CD160: variants seen among roughly 807,000 people sequenced by gnomAD.
CD160 encodes CD160 molecule.
CD160 carries 11 observed loss-of-function variants against 19.2 expected under a neutral mutation model. That is an observed-to-expected ratio of 0.57 (90% CI 0.36 to 0.95). The LOEUF is 0.95. Ranked by LOEUF, CD160 falls within the 40% of genes least tolerant of loss-of-function variation. The pLI, the probability that CD160 is intolerant of heterozygous loss-of-function variation, is 0.01. For missense variants in CD160, 182 were observed against 213.2 expected (o/e 0.85, Z 0.91); for synonymous variants, 75 against 81.1 (o/e 0.93, Z 0.40).
intron 3 of CD160, among the ~76,000 whole-genome samples, chr1:145,730,185 T>C (rs1657229461): frequency 6.6e-6 from 1 of 152,120 alleles, no homozygotes; most frequent in Admixed American, 6.5e-5. Context: ...CCAGGCATAG[T>C]GGTGCATACC....
chr1:145,730,866 G>A lies in CD160; in HGVS notation c.196G>A (p.Gly66Arg), dbSNP rs782507943. ...AGTGTTTTTGTGCAAGGACAGGTCT[G>A]GAGACTGTTCTCCTGAGACCAGTTT... ...FVVFLCKDRS[G>R]DCSPETSLKQ... Residue 66 changes from glycine to arginine, a missense_variant, in exon 4 of 6, where the codon GGA (glycine) becomes AGA (arginine). Coordinates refer to ENST00000369288, the MANE Select transcript of CD160 (RefSeq NM_007053.4). The A allele has an allele frequency of 6.2e-7, 1 of 1,613,992 alleles. No individual in the cohort carries two copies. The highest frequency in any genetic ancestry group is 1.1e-5 in the South Asian group (1 of 91,076).
chr1:145,725,446 A>G (rs946550623), intron 2 of CD160, among the ~76,000 whole-genome samples: 6 of 152,190 alleles, frequency 3.9e-5, no homozygotes, highest in African/African-American at 1.2e-4. Flanking sequence ...CTCTGTCTCA[A>G]AAGAAAATAA....
intron 2 of CD160, 59 bp downstream of exon 2, chr1:145,724,965 T>G (rs1192604550): frequency 6.6e-6 from 1 of 152,018 alleles, no homozygotes; most frequent in Non-Finnish European, 1.5e-5. Context: ...GGTCTCACTT[T>G]GCTGCCCAGG....
chr1:145,734,380 T>G (rs938962598), intron 4 of CD160, among the ~76,000 whole-genome samples: 6 of 152,212 alleles, frequency 3.9e-5, no homozygotes, highest in Non-Finnish European at 5.9e-5. Context: ...CTTTCCAAAA[T>G]GCTAATTTGT....
chr1:145,722,830 G>A (rs1553707980), intron 1 of CD160, among the ~76,000 whole-genome samples: 1 of 152,038 alleles, frequency 6.6e-6, no homozygotes, highest in Non-Finnish European at 1.5e-5. Context: ...TCCTGACCTC[G>A]TGATCTGCCC....
At position 145,728,420 on chromosome 1, in the gene CD160, C is replaced by A. The variant is rs782314502; in HGVS notation, c.73+20C>A. ...CTGGTGGTGAGGATAGACCCTAGAG[C>A]AGAGACGGCCATGGGGAGGATCCTG... On this transcript the variant is annotated intron_variant, in intron 3 of 5. Coordinates refer to ENST00000369288, the MANE Select transcript of CD160 (RefSeq NM_007053.4). 8.4e-6 allele frequency: 13 copies of A among 1,538,486 alleles called. No individual in the cohort carries two copies. The South Asian group carries it at 1.2e-4, about 15-fold the overall frequency.
intron 4 of CD160, among the ~76,000 whole-genome samples, chr1:145,734,715 A>G (rs1657415461): frequency 6.6e-6 from 1 of 152,196 alleles, no homozygotes; most frequent in African/African-American, 2.4e-5. Context: ...TCATCTTCTC[A>G]GCATATTTAA....
intron 4 of CD160, 99 bp from the exon 5 acceptor site, chr1:145,735,898 T>A (rs1657464926): frequency 1.2e-6 from 1 of 823,692 alleles, no homozygotes; most frequent in African/African-American, 1.7e-5. Flanking sequence ...GAGGGAGGAA[T>A]CCTTGGAGAT....
At chr1:145,725,063 C>A (rs1257653371) in intron 2 of CD160, among the ~76,000 whole-genome samples, 157 bp downstream of exon 2, 6 of 151,722 alleles carry the variant, frequency 4.0e-5, no homozygotes, top group African/African-American at 1.2e-4. Flanking sequence ...CGCAACTGGG[C>A]CTTTCAATTT....
Position 145,738,854 on chromosome 1 carries a change from AT to A in CD160, c.*362del, listed in dbSNP as rs1553710621. ...AACATAGTAAAATAAGTCAAACAAA[AT>A]GAGAACACCAAATTTTGGGGGAATA... On this transcript the variant is annotated 3_prime_UTR_variant, in exon 6 of 6. Transcript: ENST00000369288. 5.9e-6 allele frequency: 1 copy of A among 170,260 alleles called. No individual in the cohort carries two copies. Among genetic ancestry groups the A allele is most frequent in the Non-Finnish European group, 1.2e-5 (1 of 80,294 alleles). The allele number at this position is 170,260 out of a possible 1,614,324, so 10.5% of individuals were successfully genotyped here.
chr1:145,722,524 G>A (rs1318312944), intron 1 of CD160, among the ~76,000 whole-genome samples: 1 of 152,186 alleles, frequency 6.6e-6, no homozygotes, highest in Non-Finnish European at 1.5e-5. Flanking sequence ...ATTAAAGGCT[G>A]AGCATAGCGC....
At chr1:145,733,704 C>G (rs1044548515) in intron 4 of CD160, among the ~76,000 whole-genome samples, 4 of 152,128 alleles carry the variant, frequency 2.6e-5, no homozygotes, top group Non-Finnish European at 4.4e-5. Flanking sequence ...TGACTGTACT[C>G]CCCTGGCTGT....
intron 2 of CD160, among the ~76,000 whole-genome samples, chr1:145,726,291 T>C (rs1414822681): frequency 6.6e-6 from 1 of 152,214 alleles, no homozygotes; most frequent in African/African-American, 2.4e-5. Context: ...AGTATGTTTA[T>C]TGTGGTACTA....
intron 4 of CD160, among the ~76,000 whole-genome samples, chr1:145,734,109 A>G (rs1657396645): frequency 6.6e-6 from 1 of 152,174 alleles, no homozygotes. Context: ...TCCGCACAGC[A>G]GTACTTAGTG....
At chr1:145,728,048 C>T (rs1461946865) in intron 2 of CD160, among the ~76,000 whole-genome samples, 1 of 152,058 alleles carries the variant, frequency 6.6e-6, no homozygotes, top group Non-Finnish European at 1.5e-5. Context: ...GAGAAAATAG[C>T]CTTTAGTGTC....
chr1:145,728,028 A>AT (rs1657120028), intron 2 of CD160, among the ~76,000 whole-genome samples: 1 of 152,136 alleles, frequency 6.6e-6, no homozygotes, highest in African/African-American at 2.4e-5. Flanking sequence ...TAACTTAAAA[A>AT]AATATATATG....
Position 145,730,667 on chromosome 1 carries a change from T to C in CD160, c.74-77T>C, listed in dbSNP as rs587603566. 4.1e-5 allele frequency: 48 copies of C among 1,180,770 alleles called. No individual in the cohort carries two copies. The South Asian group carries it at 6.2e-4, about 15-fold the overall frequency. The allele number at this position is 1,180,770 out of a possible 1,614,324, so 73.1% of individuals were successfully genotyped here. Reference sequence around the variant, plus strand: ...GCTTCAGTCCTTCCTTGAAGACTTCTAGTGATAAGGAGCAGTTACGGTGAA... The same window carrying C: ...GCTTCAGTCCTTCCTTGAAGACTTCCAGTGATAAGGAGCAGTTACGGTGAA... On this transcript the variant is annotated intron_variant, in intron 3 of 5. Coordinates refer to ENST00000369288, the MANE Select transcript of CD160 (RefSeq NM_007053.4).
At chr1:145,733,279 A>C (rs1226733465) in intron 4 of CD160, among the ~76,000 whole-genome samples, 3 of 152,064 alleles carry the variant, frequency 2.0e-5, no homozygotes, top group African/African-American at 7.2e-5. Flanking sequence ...GACTACAGGC[A>C]CACGCCACCA....
intron 2 of CD160, among the ~76,000 whole-genome samples, chr1:145,727,134 A>G (rs587613527): frequency 1.3e-5 from 2 of 152,258 alleles, no homozygotes; most frequent in East Asian, 3.9e-4. Context: ...ATAAACTACA[A>G]AACCTTAAAT....
Sources: gnomAD v4.1 joint callset for allele counts (sites outside exome capture counted in the v4.1 genomes callset) on GRCh38, gnomAD v4.1.1 for gene constraint, MANE v1.5 for transcripts, NCBI Gene and HGNC (gene_info 2026-07-23, HGNC 2026-07-21) for gene names.